The following RAPGEF2 variants were observed in gnomAD, a reference collection of about 807,000 sequenced individuals.
RAPGEF2 encodes PDZ domain containing guanine nucleotide exchange factor (GEF) 1.
RAPGEF2 carries 54 observed loss-of-function variants against 186.7 expected under a neutral mutation model. That is an observed-to-expected ratio of 0.29 (90% CI 0.23 to 0.36). The LOEUF is 0.36. Among genes scored for constraint, RAPGEF2 ranks in the 10% least tolerant of loss-of-function variants. The pLI is 1.00. For synonymous variants in RAPGEF2, 712 were observed against 705.9 expected, an observed-to-expected ratio of 1.01 and a Z score of -0.14; for missense variants, 1,532 against 2,045.0, an observed-to-expected ratio of 0.75 and a Z score of 4.84.
chr4:159,106,072 C>T (rs77622580), intron 1 of RAPGEF2, among the ~76,000 whole-genome samples: 1,585 of 152,298 alleles, frequency 0.01, 28 homozygotes, highest in African/African-American at 0.035. Context: ...TTCCTGTTCC[C>T]CTGCCAGTTG....
intron 4 of RAPGEF2, among the ~76,000 whole-genome samples, chr4:159,228,535 G>A (rs1752278622): frequency 6.6e-6 from 1 of 152,166 alleles, no homozygotes; most frequent in African/African-American, 2.4e-5. Context: ...GAGATGAAAT[G>A]TTGAGATTCA....
intron 7 of RAPGEF2, among the ~76,000 whole-genome samples, chr4:159,272,399 C>G (rs1021679407): frequency 6.6e-6 from 1 of 152,192 alleles, no homozygotes; most frequent in African/African-American, 2.4e-5. Flanking sequence ...ATAAACACTT[C>G]AGGCTCATTT....
chr4:159,336,454 A>AT (rs1337350932), intron 17 of RAPGEF2, among the ~76,000 whole-genome samples: 3 of 152,178 alleles, frequency 2.0e-5, no homozygotes, highest in Non-Finnish European at 1.5e-5. Flanking sequence ...ATCACTTAGA[A>AT]TAATGACCAA....
intron 7 of RAPGEF2, among the ~76,000 whole-genome samples, chr4:159,251,467 T>G (rs1223198585): frequency 6.6e-6 from 1 of 152,206 alleles, no homozygotes; most frequent in Non-Finnish European, 1.5e-5. Context: ...TGTGTCTAGC[T>G]CAGGGTTTGT....
chr4:159,155,479 T>G (rs1046109068), intron 1 of RAPGEF2, among the ~76,000 whole-genome samples: 7 of 152,164 alleles, frequency 4.6e-5, no homozygotes, highest in African/African-American at 1.7e-4. Flanking sequence ...GGAAAGGAGA[T>G]GATGAGTTTC....
chr4:159,335,317 A>G (rs982006679), intron 17 of RAPGEF2, among the ~76,000 whole-genome samples: 4 of 152,208 alleles, frequency 2.6e-5, no homozygotes, highest in Admixed American at 2.0e-4. Context: ...AAGTCAGCAC[A>G]CTATAAAACC....
chr4:159,326,314 A>G (rs1254007814), intron 11 of RAPGEF2, among the ~76,000 whole-genome samples: 1 of 152,248 alleles, frequency 6.6e-6, no homozygotes, highest in East Asian at 1.9e-4. Flanking sequence ...ATTCATGCAT[A>G]AAATAGCCTC....
chr4:159,132,127 T>C (rs1416650264), intron 1 of RAPGEF2, among the ~76,000 whole-genome samples: 3 of 152,232 alleles, frequency 2.0e-5, no homozygotes, highest in African/African-American at 7.2e-5. Flanking sequence ...AGAGAGGGGC[T>C]AGTTGGTCTA....
At chr4:159,339,407 C>T in intron 19 of RAPGEF2, 53 bp downstream of exon 19, 1 of 1,571,460 alleles carries the variant, frequency 6.4e-7, no homozygotes, top group East Asian at 2.3e-5. Context: ...GAACCCACAT[C>T]AAAGTCTAAG....
At chr4:159,112,053 GTTA>G (rs1002563869) in intron 1 of RAPGEF2, among the ~76,000 whole-genome samples, 2 of 152,170 alleles carry the variant, frequency 1.3e-5, no homozygotes, top group Admixed American at 6.5e-5. Context: ...TTTCAAAAAT[GTTA>G]TTAATTGGAA....
At chr4:159,163,751 A>G (rs1744967972) in intron 1 of RAPGEF2, among the ~76,000 whole-genome samples, 1 of 152,304 alleles carries the variant, frequency 6.6e-6, no homozygotes, top group Admixed American at 6.5e-5. Flanking sequence ...ACTGTGTGCT[A>G]GAGACTGTAT....
rs9790793 is a variant in RAPGEF2 at position 159,242,365 on chromosome 4, T to G, written c.525+997T>G. On this transcript the variant is annotated intron_variant, in intron 6 of 29. Transcript: ENST00000691494. ...TTTCCTTTACCTTTTTTTTCTTTCTTCCTGCAAATAAGTATAAATACAAAA... is the reference window on the plus strand; with the variant it reads ...TTTCCTTTACCTTTTTTTTCTTTCTGCCTGCAAATAAGTATAAATACAAAA... Among the ~76,000 whole-genome samples the G allele has an allele frequency of 3.8e-3, 580 of 152,078 alleles. 20 individuals carry two copies. The East Asian group carries it at 0.069, about 18-fold the overall frequency.
At chr4:159,337,114 C>T (rs1767537785) in intron 17 of RAPGEF2, among the ~76,000 whole-genome samples, 1 of 152,182 alleles carries the variant, frequency 6.6e-6, no homozygotes, top group Admixed American at 6.5e-5. Flanking sequence ...ATGAGTTTGT[C>T]ACTGTCGATA....
At chr4:159,195,147 G>T (rs1216490771) in intron 3 of RAPGEF2, among the ~76,000 whole-genome samples, 1 of 152,156 alleles carries the variant, frequency 6.6e-6, no homozygotes, top group East Asian at 1.9e-4. Flanking sequence ...CAAATATAGA[G>T]TCGTAAATAA....
At chr4:159,261,436 A>C (rs1313994405) in intron 7 of RAPGEF2, among the ~76,000 whole-genome samples, 1 of 152,200 alleles carries the variant, frequency 6.6e-6, no homozygotes, top group Admixed American at 6.5e-5. Context: ...GGAAAGGGCT[A>C]ATTATTAGGA....
At chr4:159,290,754 C>CAAAA (rs571399743) in intron 7 of RAPGEF2, among the ~76,000 whole-genome samples, 3 of 127,142 alleles carry the variant, frequency 2.4e-5, no homozygotes, top group African/African-American at 8.5e-5. Flanking sequence ...CTAAGGTTTA[C>CAAAA]AAAAAAAAAA....
At chr4:159,268,333 T>G in intron 7 of RAPGEF2, 3 of 788,700 alleles carry the variant, frequency 3.8e-6, no homozygotes, top group East Asian at 2.8e-5. Flanking sequence ...TATAGTAGTC[T>G]GCTTGGAGAG....
intron 8 of RAPGEF2, among the ~76,000 whole-genome samples, chr4:159,307,185 G>C (rs1234585161): frequency 6.6e-6 from 1 of 151,986 alleles, no homozygotes; most frequent in East Asian, 1.9e-4. Flanking sequence ...ACTTTCTTTA[G>C]AGACAATATA....
rs375526975 is a variant in RAPGEF2 at position 159,299,582 on chromosome 4, C to T, written c.544-4760C>T. Among the ~76,000 whole-genome samples the T allele has an allele frequency of 2.3e-4, 35 of 152,052 alleles. No homozygotes were observed. The East Asian group carries it at 5.8e-3, about 25-fold the overall frequency. On this transcript the variant is annotated intron_variant, in intron 7 of 29. Transcript: ENST00000691494. ...GGAAAGGAAGAAGAAGGGCAGCCAC[C>T]CTTGTTTGTACTGCACTGTCACCAA... is the stretch of plus-strand genomic sequence containing the variant.
Sources: allele counts gnomAD v4.1 joint callset (sites outside exome capture counted in the v4.1 genomes callset), GRCh38; gene constraint gnomAD v4.1.1; transcripts MANE v1.5; gene names NCBI Gene and HGNC (gene_info 2026-07-23, HGNC 2026-07-21).